ADCY2: variants seen among roughly 807,000 people sequenced by gnomAD.
The protein encoded by ADCY2 is adenylate cyclase type 2.
Under a neutral mutation model 125.2 loss-of-function variants are expected in ADCY2, and 31 were observed. The observed-to-expected ratio is 0.25, with a 90% confidence interval of 0.19 to 0.33. The LOEUF (loss-of-function observed/expected upper bound fraction) is 0.33, where lower values mean the gene tolerates loss of function less well. ADCY2 is among the 10% of genes least tolerant of loss of function. The pLI is 1.00. For synonymous variants in ADCY2, 512 were observed against 548.4 expected, an observed-to-expected ratio of 0.93 and a Z score of 0.93; for missense variants, 904 against 1,418.2, an observed-to-expected ratio of 0.64 and a Z score of 5.82.
chr5:7,571,796 C>T (rs1341019773), intron 3 of ADCY2, among the ~76,000 whole-genome samples: 1 of 152,152 alleles, frequency 6.6e-6, no homozygotes, highest in South Asian at 2.1e-4. Context: ...TCCCAACTCC[C>T]ACCCTCCAAT....
At chr5:7,417,620 T>A (rs1740005025) in intron 2 of ADCY2, among the ~76,000 whole-genome samples, 1 of 152,212 alleles carries the variant, frequency 6.6e-6, no homozygotes, top group South Asian at 2.1e-4. Context: ...ATAAGGTCCT[T>A]TTGTCTGTCT....
intron 19 of ADCY2, among the ~76,000 whole-genome samples, chr5:7,786,225 A>C (rs142118648): frequency 5.9e-5 from 9 of 152,324 alleles, no homozygotes; most frequent in African/African-American, 1.9e-4. Context: ...TGCCATCCAA[A>C]ATCATTGAGT....
chr5:7,773,689 G>C (rs1743626296), intron 18 of ADCY2, among the ~76,000 whole-genome samples: 1 of 152,192 alleles, frequency 6.6e-6, no homozygotes, highest in South Asian at 2.1e-4. Flanking sequence ...GGAACTATCA[G>C]TCCTGAAAAT....
At chr5:7,712,180 T>C (rs1163219432) in intron 10 of ADCY2, among the ~76,000 whole-genome samples, 2 of 152,210 alleles carry the variant, frequency 1.3e-5, no homozygotes, top group Non-Finnish European at 2.9e-5. Context: ...AACCAAAGTT[T>C]CTTTGGAGCA....
chr5:7,730,687 C>T (rs2126407717), intron 14 of ADCY2, among the ~76,000 whole-genome samples: 1 of 152,222 alleles, frequency 6.6e-6, no homozygotes, highest in South Asian at 2.1e-4. Context: ...TTTATTTTCG[C>T]TCAGAATTAT....
At chr5:7,523,329 A>T (rs1189686234) in intron 3 of ADCY2, among the ~76,000 whole-genome samples, 1 of 152,054 alleles carries the variant, frequency 6.6e-6, no homozygotes, top group East Asian at 1.9e-4. Flanking sequence ...AAAAAAAAAA[A>T]AAAGTGGGAA....
At chr5:7,463,144 C>G (rs1009184530) in intron 2 of ADCY2, among the ~76,000 whole-genome samples, 1 of 152,172 alleles carries the variant, frequency 6.6e-6, no homozygotes, top group East Asian at 1.9e-4. Context: ...ATAAACATAC[C>G]TATAAAATTG....
chr5:7,603,784 CTTTTTTTTTTTTTTTTTTTTTT>C, intron 3 of ADCY2, among the ~76,000 whole-genome samples: 5 of 62,802 alleles, frequency 8.0e-5, no homozygotes, highest in Non-Finnish European at 1.4e-4. Context: ...TGCTCTCTTT[CTTTTTTTTTTTTTTTTTTTTTT>C]TTTCTTTTGT....
At chr5:7,405,329 A>C (rs2111448630) in intron 1 of ADCY2, among the ~76,000 whole-genome samples, 1 of 149,276 alleles carries the variant, frequency 6.7e-6, no homozygotes, top group Non-Finnish European at 1.5e-5. Flanking sequence ...TTAGCTCATA[A>C]TTATGTGGGT....
In ADCY2 at chr5:7,724,465, C is replaced by T. The variant is rs73041796; in HGVS notation, c.1704-80C>T. 11,178 of 1,057,890 alleles carry T rather than the reference C, an allele frequency of 0.011. 797 individuals carry two copies. The African/African-American group carries it at 0.16, about 15-fold the overall frequency. 65.5% of individuals were successfully genotyped at this position (1,057,890 alleles called of 1,614,324 possible). A position where few individuals can be genotyped will look rare whatever the true frequency, so the allele number is the denominator to read the frequency against. On this transcript the variant is annotated intron_variant, in intron 12 of 24. Transcript: ENST00000338316. ...ATGATACACAATAAAGAAAGAAGAT[C>T]GCAAGTCATTTTAAAAAATAGTTCC...
At chr5:7,400,242 T>C (rs561641334) in intron 1 of ADCY2, among the ~76,000 whole-genome samples, 2 of 151,910 alleles carry the variant, frequency 1.3e-5, no homozygotes, top group African/African-American at 4.8e-5. Context: ...ATAAAGTAGA[T>C]TTTTTTTAGT....
At chr5:7,792,654 CA>C in intron 20 of ADCY2, among the ~76,000 whole-genome samples, 1 of 152,284 alleles carries the variant, frequency 6.6e-6, no homozygotes, top group East Asian at 1.9e-4. Context: ...TTATTCTAAG[CA>C]AGCATCAGAA....
At chr5:7,520,659 C>A in intron 2 of ADCY2, 79 bp from the exon 3 acceptor site, 1 of 1,516,310 alleles carries the variant, frequency 6.6e-7, no homozygotes, top group South Asian at 1.2e-5. Context: ...TCTATGCAGC[C>A]TTTAGTGGCA....
At chr5:7,408,587 C>G (rs113945996) in intron 1 of ADCY2, among the ~76,000 whole-genome samples, 25,025 of 151,858 alleles carry the variant, frequency 0.16, 2,305 homozygotes, top group Non-Finnish European at 0.21. Context: ...AGCCTGGGCT[C>G]GAACTCCTGA....
chr5:7,765,697 A>G (rs567394759), intron 16 of ADCY2, among the ~76,000 whole-genome samples: 1 of 152,322 alleles, frequency 6.6e-6, no homozygotes, highest in Non-Finnish European at 1.5e-5. Flanking sequence ...CATAGAAACT[A>G]TAGGGAAATT....
intron 19 of ADCY2, among the ~76,000 whole-genome samples, chr5:7,788,987 TA>T (rs1305243316): frequency 6.6e-6 from 1 of 152,224 alleles, no homozygotes; most frequent in Non-Finnish European, 1.5e-5. Flanking sequence ...ACAATGTTAG[TA>T]ATAACTACTT....
intron 4 of ADCY2, among the ~76,000 whole-genome samples, chr5:7,659,429 T>C (rs1739452345): frequency 1.3e-5 from 2 of 152,260 alleles, no homozygotes; most frequent in Admixed American, 1.3e-4. Flanking sequence ...TATTTCATTG[T>C]GTTTCACCAG....
At chr5:7,816,148 G>T (rs1172195695) in intron 22 of ADCY2, among the ~76,000 whole-genome samples, 2 of 152,162 alleles carry the variant, frequency 1.3e-5, no homozygotes, top group Non-Finnish European at 2.9e-5. Context: ...TGAGAGACTG[G>T]GGTTAGGACT....
intron 3 of ADCY2, among the ~76,000 whole-genome samples, chr5:7,551,572 T>A (rs538759446): frequency 6.6e-6 from 1 of 152,358 alleles, no homozygotes; most frequent in East Asian, 1.9e-4. Flanking sequence ...TATCTATGTG[T>A]TCTTTTACTT....
Sources: gnomAD v4.1 joint callset for allele counts (sites outside exome capture counted in the v4.1 genomes callset) on GRCh38, gnomAD v4.1.1 for gene constraint, MANE v1.5 for transcripts, NCBI Gene and HGNC (gene_info 2026-07-23, HGNC 2026-07-21) for gene names.